Variants in KANK1 observed in about 807,000 individuals in gnomAD.
The protein encoded by KANK1 is KN motif and ankyrin repeat domain-containing protein 1.
KANK1 carries 109 observed loss-of-function variants against 106.2 expected under a neutral mutation model. The ratio of observed to expected loss-of-function variants is 1.03; its 90% CI spans 0.88 to 1.20. The LOEUF (loss-of-function observed/expected upper bound fraction) is 1.20, where lower values mean the gene tolerates loss of function less well. KANK1 is among the 50% of genes most tolerant of loss of function. KANK1 has a pLI of 0.00. For missense variants in KANK1, 2,399 were observed against 1,710.7 expected (o/e 1.40, Z -7.10); for synonymous variants, 873 against 652.2 (o/e 1.34, Z -5.16).
In KANK1 at chr9:740,918, A is replaced by G. The variant is rs1181098691; in HGVS notation, c.3680A>G (p.Asn1227Ser). 6.2e-7 allele frequency: 1 copy of G among 1,614,066 alleles called. No individual in the cohort carries two copies. The highest frequency in any genetic ancestry group is 1.3e-5 in the African/African-American group (1 of 74,936). ...GAACTCTTCGGCTGTGGGGATGTGA[A>G]TGCCAAAGCTAGTCAGGTTAGTGCG... ...VEELFGCGDV[N>S]AKASQAGQTA... The change falls in exon 9 of 12, where the codon AAT (asparagine) becomes AGT (serine). Residue 1227 changes from asparagine (N) to serine (S), a missense_variant. Coordinates refer to ENST00000382297, the MANE Select transcript of KANK1 (RefSeq NM_015158.5).
At chr9:502,515 G>A (rs2058574001), upstream of KANK1, among the ~76,000 whole-genome samples, 1 of 149,796 alleles carries the variant, frequency 6.7e-6, no homozygotes, top group South Asian at 2.1e-4. Context: ...GGGAATTCTG[G>A]GGATGGAGAG....
At chr9:658,231 C>G (rs577650871) in intron 1 of KANK1, among the ~76,000 whole-genome samples, 1 of 152,224 alleles carries the variant, frequency 6.6e-6, no homozygotes, top group East Asian at 1.9e-4. Flanking sequence ...TATGCATAAA[C>G]AAAACACTTA....
At chr9:647,507 T>C (rs1437255830) in intron 1 of KANK1, among the ~76,000 whole-genome samples, 1 of 150,984 alleles carries the variant, frequency 6.6e-6, no homozygotes, top group Non-Finnish European at 1.5e-5. Context: ...CAGAAACAAG[T>C]GCAGTTTTCT....
chr9:707,182 C>CG, intron 2 of KANK1: 1 of 985,814 alleles, frequency 1.0e-6, no homozygotes, highest in Non-Finnish European at 1.2e-6. Context: ...AGGCCGGGTC[C>CG]GGCTGAGCTG....
intron 1 of KANK1, among the ~76,000 whole-genome samples, chr9:602,523 G>A (rs1435141609): frequency 6.6e-6 from 1 of 151,810 alleles, no homozygotes; most frequent in East Asian, 1.9e-4. Flanking sequence ...CTCCCAAAGT[G>A]CTGGGATTAT....
At position 730,099 on chromosome 9, in the gene KANK1, G is replaced by C. The variant is rs1422282029; in HGVS notation, c.2747G>C (p.Ser916Thr). The change falls in exon 4 of 12, where the codon AGT becomes ACT. Residue 916 changes from serine (S) to threonine (T), a missense_variant. Physicochemically the swap from Ser to Thr is moderately conservative, Grantham distance 58 (BLOSUM62 1). Transcript: ENST00000382297. ...AAGTGTGGGGGCCTTCAGTCAGGAA[G>C]TCCCTTAAGCTCCCAGACATCCCAG... ...TCKCGGLQSG[S>T]PLSSQTSQPE... 1 of 1,614,208 alleles carries C rather than the reference G, an allele frequency of 6.2e-7. No individual in the cohort carries two copies. Among genetic ancestry groups the C allele is most frequent in the Non-Finnish European group, 8.5e-7 (1 of 1,180,030 alleles).
intron 1 of KANK1, among the ~76,000 whole-genome samples, chr9:520,495 C>T (rs1004384060): frequency 2.0e-5 from 3 of 151,682 alleles, no homozygotes; most frequent in South Asian, 4.1e-4. Flanking sequence ...TTAATTCTTC[C>T]ATCTGGAGAT....
chr9:647,777 C>T (rs1467807185), intron 1 of KANK1, among the ~76,000 whole-genome samples: 3 of 150,820 alleles, frequency 2.0e-5, no homozygotes, highest in South Asian at 4.1e-4. Context: ...ATTCTTCTGG[C>T]TCACACTTAT....
intron 2 of KANK1, among the ~76,000 whole-genome samples, chr9:695,650 CT>C (rs533062918): frequency 2.6e-5 from 4 of 151,794 alleles, no homozygotes; most frequent in Non-Finnish European, 5.9e-5. Flanking sequence ...GTTCTGGATC[CT>C]CTCTGGGGGG....
At chr9:665,888 G>C (rs1291685095) in intron 1 of KANK1, among the ~76,000 whole-genome samples, 3 of 151,988 alleles carry the variant, frequency 2.0e-5, no homozygotes, top group African/African-American at 7.3e-5. Flanking sequence ...TGGTTAAATT[G>C]ATTCTCAGGG....
chr9:510,570 A>G lies in KANK1; in HGVS notation c.-84+5816A>G, dbSNP rs1158454732. 3.9e-5 allele frequency among the ~76,000 whole-genome samples: 6 copies of G among 152,336 alleles called. No individual in the cohort carries two copies. The South Asian group carries it at 8.3e-4, about 21-fold the overall frequency. On this transcript the variant is annotated intron_variant, in intron 1 of 11. Transcript: ENST00000382297. ...AATTGGCTAGGGAGCAGACATCACT[A>G]AAGAGACACTGAGCCTTCTCAAGGA...
At chr9:588,373 C>T (rs899399322) in intron 1 of KANK1, among the ~76,000 whole-genome samples, 1 of 152,166 alleles carries the variant, frequency 6.6e-6, no homozygotes, top group African/African-American at 2.4e-5. Flanking sequence ...CTGTCATGCA[C>T]ATCTATGATT....
intron 1 of KANK1, among the ~76,000 whole-genome samples, chr9:618,345 C>G (rs992604509): frequency 2.6e-5 from 4 of 151,978 alleles, no homozygotes; most frequent in Non-Finnish European, 2.9e-5. Context: ...GTAGCTGGGA[C>G]TACAGGCACA....
At chr9:621,203 A>G (rs1833066107) in intron 1 of KANK1, among the ~76,000 whole-genome samples, 2 of 152,214 alleles carry the variant, frequency 1.3e-5, no homozygotes, top group South Asian at 4.1e-4. Flanking sequence ...TAGAAAACTG[A>G]TAGCTATCAC....
At chr9:596,910 C>T (rs1426728383) in intron 1 of KANK1, among the ~76,000 whole-genome samples, 1 of 151,496 alleles carries the variant, frequency 6.6e-6, no homozygotes, top group Non-Finnish European at 1.5e-5. Flanking sequence ...ATTCTCTCCT[C>T]TCTCTCATCC....
At chr9:700,561 G>A (rs928489424) in intron 2 of KANK1, among the ~76,000 whole-genome samples, 11 of 152,164 alleles carry the variant, frequency 7.2e-5, no homozygotes, top group South Asian at 2.1e-4. Context: ...TCCTGCTGAC[G>A]TGGGATCTTT....
Position 730,111 on chromosome 9 carries a change from C to T in KANK1, c.2759C>T (p.Ser920Phe). Residue 920 changes from serine to phenylalanine, a missense_variant, in exon 4 of 12, where the codon TCC (serine) becomes TTC (phenylalanine). Transcript: ENST00000382297. Reference sequence around the variant, plus strand: ...CTTCAGTCAGGAAGTCCCTTAAGCTCCCAGACATCCCAGCCTGAGCAAGAA... The same window carrying T: ...CTTCAGTCAGGAAGTCCCTTAAGCTTCCAGACATCCCAGCCTGAGCAAGAA... Reference protein sequence around the residue: ...GGLQSGSPLSSQTSQPEQEVG... With the variant: ...GGLQSGSPLSFQTSQPEQEVG... The T allele has an allele frequency of 1.9e-6, 3 of 1,614,178 alleles. No individual in the cohort carries two copies. The highest frequency in any genetic ancestry group is 2.5e-6 in the Non-Finnish European group (3 of 1,180,026).
intron 1 of KANK1, among the ~76,000 whole-genome samples, chr9:544,053 T>G (rs557695244): frequency 6.6e-6 from 1 of 152,230 alleles, no homozygotes; most frequent in African/African-American, 2.4e-5. Context: ...TGAGACAATG[T>G]TCTGTTGCCC....
rs2058647996 is a variant in KANK1 at position 504,722 on chromosome 9, G to A, written c.-116G>A. ...GCTCCGGGTCCGCGGCGGAGCGAGC[G>A]AGCGGCCGGCAGGTTGGGAGGAGCG... is the stretch of plus-strand genomic sequence containing the variant. On this transcript the variant is annotated 5_prime_UTR_variant, in exon 1 of 12. Transcript: ENST00000382297. The A allele has an allele frequency of 7.0e-6, 1 of 143,464 alleles. No individual in the cohort carries two copies. Among genetic ancestry groups the A allele is most frequent in the African/African-American group, 2.5e-5 (1 of 40,300 alleles). The allele number at this position is 143,464 out of a possible 1,614,324, so 8.9% of individuals were successfully genotyped here. A position where few individuals can be genotyped will look rare whatever the true frequency, so the allele number is the denominator to read the frequency against.
Sources: allele counts gnomAD v4.1 joint callset (sites outside exome capture counted in the v4.1 genomes callset), GRCh38; gene constraint gnomAD v4.1.1; transcripts MANE v1.5; gene names NCBI Gene and HGNC (gene_info 2026-07-23, HGNC 2026-07-21).